FAT3: variants seen among roughly 807,000 people sequenced by gnomAD.
FAT3 encodes FAT atypical cadherin 3.
In FAT3, 95 loss-of-function variants were observed where a neutral mutation model predicts 310.2. That is an observed-to-expected ratio of 0.31 (90% CI 0.26 to 0.36). The LOEUF (loss-of-function observed/expected upper bound fraction) is 0.36, where lower values mean the gene tolerates loss of function less well. FAT3 is among the 10% of genes least tolerant of loss of function. FAT3 has a pLI of 1.00. For synonymous variants in FAT3, 2,314 were observed against 2,192.9 expected (o/e 1.06, Z -1.54); for missense variants, 5,408 against 5,715.6 (o/e 0.95, Z 1.74).
chr11:92,375,109 C>A (rs1228913046), intron 2 of FAT3, among the ~76,000 whole-genome samples: 1 of 151,822 alleles, frequency 6.6e-6, no homozygotes, highest in South Asian at 2.1e-4. Context: ...AATATATATC[C>A]TGTTAAACTT....
chr11:92,231,940 T>G (rs570772168), intron 1 of FAT3, among the ~76,000 whole-genome samples: 1 of 152,336 alleles, frequency 6.6e-6, no homozygotes, highest in East Asian at 1.9e-4. Flanking sequence ...CATGACATTT[T>G]GTTGATTTTT....
At chr11:92,870,383 A>C (rs1949357183) in intron 22 of FAT3, among the ~76,000 whole-genome samples, 1 of 152,200 alleles carries the variant, frequency 6.6e-6, no homozygotes, top group South Asian at 2.1e-4. Flanking sequence ...CAGGGGAGTC[A>C]GATTCCAGAA....
intron 4 of FAT3, chr11:92,748,711 GT>G (rs1377727918): frequency 6.6e-6 from 1 of 152,154 alleles, no homozygotes; most frequent in Admixed American, 6.6e-5. Context: ...TCCATCTCTG[GT>G]TTATTTCTTA....
Position 92,895,882 on chromosome 11 carries a change from T to C in FAT3, c.*4769T>C, listed in dbSNP as rs1480214816. ...TTGGGGGGTCGAATATAATTGTAAG[T>C]CATCCACGCTGTTGGTCTGCAAACT... On this transcript the variant is annotated 3_prime_UTR_variant, in exon 28 of 28. Coordinates refer to ENST00000525166, the MANE Select transcript of FAT3 (RefSeq NM_001367949.2). 1 of 151,944 alleles carries C rather than the reference T, an allele frequency of 6.6e-6. No homozygotes were observed. Among genetic ancestry groups the C allele is most frequent in the African/African-American group, 2.4e-5 (1 of 41,336 alleles). 9.4% of individuals were successfully genotyped at this position (151,944 alleles called of 1,614,324 possible). A position where few individuals can be genotyped will look rare whatever the true frequency, so the allele number is the denominator to read the frequency against.
intron 3 of FAT3, among the ~76,000 whole-genome samples, chr11:92,530,504 C>G: frequency 6.6e-6 from 1 of 152,072 alleles, no homozygotes; most frequent in Non-Finnish European, 1.5e-5. Flanking sequence ...TATACTTTCT[C>G]TTTTATCAAG....
In FAT3 at chr11:92,784,817, G is replaced by A. The variant is rs148080054; in HGVS notation, c.4336-5126G>A. ...AGACAAAGCAAGCAAAAAGAGGCAA[G>A]CTTTTCAAGAGCACATCAACTTTGA... On this transcript the variant is annotated intron_variant, in intron 7 of 27. Coordinates refer to ENST00000525166, the MANE Select transcript of FAT3 (RefSeq NM_001367949.2). Among the ~76,000 whole-genome samples, 40 of 152,248 alleles carry A rather than the reference G, an allele frequency of 2.6e-4. No individual in the cohort carries two copies. In the East Asian group the frequency reaches 7.0e-3, roughly 26 times the overall value.
intron 4 of FAT3, among the ~76,000 whole-genome samples, chr11:92,732,937 T>A (rs143074295): frequency 2.1e-4 from 32 of 152,312 alleles, no homozygotes; most frequent in African/African-American, 7.2e-4. Context: ...ACCACTTCCC[T>A]GTGGGATAAC....
intron 2 of FAT3, among the ~76,000 whole-genome samples, chr11:92,394,212 T>TA (rs1949809037): frequency 6.6e-6 from 1 of 152,230 alleles, no homozygotes; most frequent in Admixed American, 6.5e-5. Flanking sequence ...CTCACACCTG[T>TA]AATCTCAGTA....
chr11:92,290,982 A>C (rs1860194010), intron 1 of FAT3, among the ~76,000 whole-genome samples: 2 of 151,950 alleles, frequency 1.3e-5, no homozygotes, highest in African/African-American at 4.8e-5. Flanking sequence ...AATACATATG[A>C]GAAGCTAGAA....
chr11:92,859,188 G>A lies in FAT3; in HGVS notation c.11524G>A (p.Gly3842Arg), dbSNP rs372570497. ...AGGGCACACTTCTCTCAGCTTTGCT[G>A]GAAACAGTTACATCAAATATCGGCT... Reference protein sequence around the residue: ...CSGHTSLSFAGNSYIKYRLSE... With the variant: ...CSGHTSLSFARNSYIKYRLSE... The change falls in exon 21 of 28, where the codon GGA (glycine) becomes AGA (arginine). Residue 3842 changes from glycine (G) to arginine (R), a missense_variant. This residue lies in a region of FAT3 where 4,588 missense variants were observed against 4,809.8 expected (regional missense o/e 0.95). Transcript: ENST00000525166. 6.2e-7 allele frequency: 1 copy of A among 1,613,612 alleles called. No homozygotes were observed.
intron 1 of FAT3, among the ~76,000 whole-genome samples, chr11:92,336,746 A>G (rs141572938): frequency 0.014 from 2,072 of 152,304 alleles, 63 homozygotes; most frequent in African/African-American, 0.046. Flanking sequence ...ATAATCTGAA[A>G]CTATCAGATA....
chr11:92,412,726 T>TACATATACAC (rs1173401375), intron 2 of FAT3, among the ~76,000 whole-genome samples: 1 of 40,816 alleles, frequency 2.5e-5, no homozygotes, highest in East Asian at 6.1e-4. Flanking sequence ...TATATATATA[T>TACATATACAC]ATATATATAT....
At chr11:92,335,562 C>G (rs981837695) in intron 1 of FAT3, among the ~76,000 whole-genome samples, 4 of 152,108 alleles carry the variant, frequency 2.6e-5, no homozygotes, top group African/African-American at 9.7e-5. Context: ...AGTACCATCC[C>G]TAAAGAAGGC....
chr11:92,758,365 G>A (rs1485576957), intron 4 of FAT3, among the ~76,000 whole-genome samples: 1 of 152,182 alleles, frequency 6.6e-6, no homozygotes, highest in African/African-American at 2.4e-5. Context: ...CAGGAGGCAG[G>A]GAATGGCTTT....
rs5793624 is a variant in FAT3, at chr11:92,771,762, T to TA, written c.4196-2265dup. 4.9e-3 allele frequency among the ~76,000 whole-genome samples: 691 copies of TA among 140,530 alleles called. 7 individuals are homozygous for TA. Among genetic ancestry groups the TA allele is most frequent in the South Asian group, 0.03 (132 of 4,352 alleles). The allele number at this position is 140,530 out of a possible 152,430, so 92.2% of individuals were successfully genotyped here. A position where few individuals can be genotyped will look rare whatever the true frequency, so the allele number is the denominator to read the frequency against. On this transcript the variant is annotated intron_variant, in intron 6 of 27. Transcript: ENST00000525166. The stretch of plus-strand genomic sequence containing the variant: ...ACACACACAGGAAGAGAGAGAACTG[T>TA]AAAAAAAAAAAAAACATAAAATTAG...
At chr11:92,764,571 T>C (rs893720353) in intron 5 of FAT3, among the ~76,000 whole-genome samples, 2 of 152,178 alleles carry the variant, frequency 1.3e-5, no homozygotes, top group African/African-American at 4.8e-5. Flanking sequence ...TTTCTATTCA[T>C]ATAACTATTA....
chr11:92,658,628 A>G (rs924692831), intron 3 of FAT3, among the ~76,000 whole-genome samples: 1 of 152,182 alleles, frequency 6.6e-6, no homozygotes, highest in Admixed American at 6.5e-5. Context: ...GCCTCCCTAG[A>G]GGCTGCTGAC....
At chr11:92,595,573 G>A (rs1172331795) in intron 3 of FAT3, among the ~76,000 whole-genome samples, 1 of 152,044 alleles carries the variant, frequency 6.6e-6, no homozygotes, top group Admixed American at 6.6e-5. Context: ...ATTGGTCTAT[G>A]AACTAAGAAA....
At position 92,368,833 on chromosome 11, in the gene FAT3, C is replaced by CATATATATATATATATAT. The variant is rs778237959; in HGVS notation, c.3292+13444_3292+13445insTATATATATATATATATA. 1.5e-3 allele frequency among the ~76,000 whole-genome samples: 215 copies of CATATATATATATATATAT among 140,966 alleles called. 1 individual carries two copies. The highest frequency in any genetic ancestry group is 4.1e-3 in the African/African-American group (141 of 34,780). 92.5% of individuals were successfully genotyped at this position (140,966 alleles called of 152,430 possible). On this transcript the variant is annotated intron_variant, in intron 2 of 27. Coordinates refer to ENST00000525166, the MANE Select transcript of FAT3 (RefSeq NM_001367949.2). The stretch of plus-strand genomic sequence containing the variant: ...TAACAACAGTATGTTTGTGTGTATA[C>CATATATATATATATATAT]ATATATATATATATACACACATACA...
Sources: gnomAD v4.1 joint callset for allele counts (sites outside exome capture counted in the v4.1 genomes callset) on GRCh38, gnomAD v4.1.1 for gene constraint, gnomAD v4.1.1 regional missense constraint, MANE v1.5 for transcripts, NCBI Gene and HGNC (gene_info 2026-07-23, HGNC 2026-07-21) for gene names.